PRKCE: variants seen among roughly 807,000 people sequenced by gnomAD.
PRKCE encodes the protein protein kinase C epsilon type.
PRKCE carries 16 observed loss-of-function variants against 85.4 expected under a neutral mutation model. The ratio of observed to expected loss-of-function variants is 0.19; its 90% CI spans 0.13 to 0.28. The LOEUF is 0.28. PRKCE is among the 10% of genes least tolerant of loss of function. PRKCE has a pLI of 1.00. For synonymous variants in PRKCE, 388 were observed against 371.5 expected, an observed-to-expected ratio of 1.04 and a Z score of -0.51; for missense variants, 573 against 975.2, an observed-to-expected ratio of 0.59 and a Z score of 5.49.
At chr2:46,151,438 G>T (rs1676621951) in intron 13 of PRKCE, among the ~76,000 whole-genome samples, 1 of 152,232 alleles carries the variant, frequency 6.6e-6, no homozygotes, top group Non-Finnish European at 1.5e-5. Context: ...GCAGAGGACT[G>T]CTGCCAAGAG....
At chr2:46,180,901 G>T (rs547345704) in intron 14 of PRKCE, among the ~76,000 whole-genome samples, 13 of 152,344 alleles carry the variant, frequency 8.5e-5, no homozygotes, top group African/African-American at 2.6e-4. Flanking sequence ...CCTTCCCTAA[G>T]TGTGGGCCAA....
At chr2:46,126,515 T>A (rs1303952514) in intron 11 of PRKCE, among the ~76,000 whole-genome samples, 1 of 152,124 alleles carries the variant, frequency 6.6e-6, no homozygotes, top group Non-Finnish European at 1.5e-5. Flanking sequence ...CATTGGCGGA[T>A]GCTGTTACAG....
At chr2:45,761,251 CG>C (rs1480437571) in intron 1 of PRKCE, among the ~76,000 whole-genome samples, 2 of 132,066 alleles carry the variant, frequency 1.5e-5, no homozygotes, top group African/African-American at 2.8e-5. Context: ...GGCGTGAACC[CG>C]GGAGGCAGAG....
chr2:45,750,333 C>G (rs6757543), intron 1 of PRKCE, among the ~76,000 whole-genome samples: 1 of 152,096 alleles, frequency 6.6e-6, no homozygotes, highest in Non-Finnish European at 1.5e-5. Flanking sequence ...TTCTCTCTCT[C>G]AGGATTTTCT....
At chr2:45,835,126 A>G (rs768040227) in intron 1 of PRKCE, among the ~76,000 whole-genome samples, 7 of 152,228 alleles carry the variant, frequency 4.6e-5, no homozygotes, top group Non-Finnish European at 1.0e-4. Flanking sequence ...TGCTGTTGAA[A>G]AACTCTGAAT....
At chr2:46,015,485 T>C (rs1706046005) in intron 10 of PRKCE, among the ~76,000 whole-genome samples, 1 of 151,990 alleles carries the variant, frequency 6.6e-6, no homozygotes, top group Admixed American at 6.6e-5. Context: ...AAGGGTGAAC[T>C]AGAGAATCTC....
intron 1 of PRKCE, among the ~76,000 whole-genome samples, chr2:45,667,076 C>T (rs977749517): frequency 4.2e-4 from 64 of 152,160 alleles, no homozygotes; most frequent in Admixed American, 2.6e-4. Flanking sequence ...TTTGGGAGGC[C>T]GGGGCGGGCG....
At chr2:45,950,498 G>T (rs1180434463) in intron 2 of PRKCE, among the ~76,000 whole-genome samples, 1 of 152,152 alleles carries the variant, frequency 6.6e-6, no homozygotes, top group Non-Finnish European at 1.5e-5. Flanking sequence ...GAGGATGGCA[G>T]ATAAAGATGT....
At chr2:45,721,019 A>G (rs1680576229) in intron 1 of PRKCE, among the ~76,000 whole-genome samples, 2 of 152,126 alleles carry the variant, frequency 1.3e-5, no homozygotes. Context: ...AGGCAAAAGA[A>G]TCGCTTGAAC....
Position 45,843,134 on chromosome 2 carries a change from C to CA in PRKCE, c.412+71_412+72insA, listed in dbSNP as rs571113885. ...TTGCCTTCTGGGTCTCTTCTTTCCC[C>CA]CCCTTGGCCGGAACACATTATAGTG... On this transcript the variant is annotated intron_variant, in intron 2 of 14. Coordinates refer to ENST00000306156, the MANE Select transcript of PRKCE (RefSeq NM_005400.3). 15 of 1,361,260 alleles carry CA rather than the reference C, an allele frequency of 1.1e-5. No homozygotes were observed. In the South Asian group the frequency reaches 1.5e-4, roughly 14 times the overall value. The allele number at this position is 1,361,260 out of a possible 1,614,324, so 84.3% of individuals were successfully genotyped here.
At chr2:45,663,096 T>C (rs1675751738) in intron 1 of PRKCE, among the ~76,000 whole-genome samples, 1 of 152,156 alleles carries the variant, frequency 6.6e-6, no homozygotes, top group South Asian at 2.1e-4. Context: ...GGTTGGGAAA[T>C]GTTACAGAGT....
At chr2:45,814,313 C>A (rs1367815198) in intron 1 of PRKCE, among the ~76,000 whole-genome samples, 5 of 152,186 alleles carry the variant, frequency 3.3e-5, no homozygotes, top group Non-Finnish European at 7.3e-5. Context: ...AATCTCAGAC[C>A]TGAGTAATTG....
intron 2 of PRKCE, among the ~76,000 whole-genome samples, chr2:45,898,145 G>A (rs969788480): frequency 2.0e-5 from 3 of 152,116 alleles, no homozygotes; most frequent in African/African-American, 4.8e-5. Flanking sequence ...ATGAAGCCAC[G>A]TGGCTTTTAT....
chr2:45,997,026 T>C (rs1704276149), intron 6 of PRKCE, among the ~76,000 whole-genome samples: 1 of 152,216 alleles, frequency 6.6e-6, no homozygotes, highest in East Asian at 1.9e-4. Flanking sequence ...TGTGTATGTC[T>C]TCTTATGTAA....
chr2:45,868,859 G>A lies in PRKCE; in HGVS notation c.412+25796G>A, dbSNP rs576478022. ...TGTAATCCCAGCTACTTGGGAGGCT[G>A]AGACAGAAGAATCTCTTGAATCTGG... is the stretch of plus-strand genomic sequence containing the variant. On this transcript the variant is annotated intron_variant, in intron 2 of 14. Transcript: ENST00000306156. 3.3e-5 allele frequency among the ~76,000 whole-genome samples: 5 copies of A among 151,474 alleles called. No individual in the cohort carries two copies. The South Asian group carries it at 1.0e-3, about 32-fold the overall frequency.
In PRKCE at chr2:45,883,652, T is replaced by C. The variant is rs559193054; in HGVS notation, c.412+40589T>C. The stretch of plus-strand genomic sequence containing the variant: ...GTTTTTATCATGCCTGTGTGGAGAG[T>C]GAGTCTGCACAACTACCATGCCATG... On this transcript the variant is annotated intron_variant, in intron 2 of 14. Coordinates refer to ENST00000306156, the MANE Select transcript of PRKCE (RefSeq NM_005400.3). Among the ~76,000 whole-genome samples the C allele has an allele frequency of 4.6e-5, 7 of 152,200 alleles. No individual in the cohort carries two copies. The East Asian group carries it at 1.4e-3, about 29-fold the overall frequency.
intron 11 of PRKCE, among the ~76,000 whole-genome samples, chr2:46,091,726 T>C (rs114202705): frequency 2.6e-4 from 40 of 152,304 alleles, no homozygotes; most frequent in Non-Finnish European, 4.9e-4. Context: ...AAATACCACC[T>C]GCCACAGAGT....
chr2:45,676,622 CA>C (rs1676466234), intron 1 of PRKCE: 1 of 152,228 alleles, frequency 6.6e-6, no homozygotes, highest in African/African-American at 2.4e-5. Context: ...CTTGACTGGA[CA>C]TACATATTGC....
chr2:45,889,179 C>G (rs1314685266), intron 2 of PRKCE, among the ~76,000 whole-genome samples: 1 of 152,048 alleles, frequency 6.6e-6, no homozygotes, highest in Non-Finnish European at 1.5e-5. Context: ...TAAGAGTATA[C>G]CGAGTTGGGG....
Sources: allele counts gnomAD v4.1 joint callset (sites outside exome capture counted in the v4.1 genomes callset), GRCh38; gene constraint gnomAD v4.1.1; transcripts MANE v1.5; gene names NCBI Gene and HGNC (gene_info 2026-07-23, HGNC 2026-07-21).